The following ZDHHC20 variants were observed in gnomAD, a reference collection of about 807,000 sequenced individuals.
ZDHHC20 encodes the protein palmitoyltransferase ZDHHC20.
A neutral mutation model predicts 57.8 loss-of-function variants in ZDHHC20; 43 were observed. The observed-to-expected ratio is 0.74, with a 90% CI of 0.58 to 0.96. ZDHHC20 has a LOEUF of 0.96. Among genes scored for constraint, ZDHHC20 ranks in the 40% least tolerant of loss-of-function variants. The pLI is 0.00. For synonymous variants in ZDHHC20, 157 were observed against 153.0 expected (o/e 1.03, Z -0.19); for missense variants, 391 against 441.1 (o/e 0.89, Z 1.02).
At chr13:21,457,991 T>TA (rs1262299937) in intron 1 of ZDHHC20, among the ~76,000 whole-genome samples, 1 of 152,222 alleles carries the variant, frequency 6.6e-6, no homozygotes, top group Non-Finnish European at 1.5e-5. Context: ...TAGGTTTTCA[T>TA]AAAAAATTGA....
At chr13:21,402,582 A>ATT (rs1475060958) in intron 5 of ZDHHC20, among the ~76,000 whole-genome samples, 1 of 152,222 alleles carries the variant, frequency 6.6e-6, no homozygotes, top group Admixed American at 6.5e-5. Context: ...AGAAAATTCT[A>ATT]TTAACTGGTA....
chr13:21,392,198 G>A lies in ZDHHC20; in HGVS notation c.595-344C>T, dbSNP rs1347553550. On this transcript the variant is annotated intron_variant, in intron 7 of 12. Coordinates refer to ENST00000400590, the MANE Select transcript of ZDHHC20 (RefSeq NM_001330059.2). The stretch of plus-strand genomic sequence containing the variant: ...TCTAGGCCATCCTGGGCAACACAGT[G>A]AGACCCTGTCTCATAAAAAAAAAAA... Among the ~76,000 whole-genome samples, 5 of 145,156 alleles carry A rather than the reference G, an allele frequency of 3.4e-5. No homozygotes were observed. In the East Asian group the frequency reaches 8.1e-4, roughly 24 times the overall value.
In ZDHHC20 at chr13:21,402,777, T is replaced by C. The variant is rs1205121963; in HGVS notation, c.440+20A>G. 2.5e-6 allele frequency: 4 copies of C among 1,582,558 alleles called. No individual in the cohort carries two copies. The highest frequency in any genetic ancestry group is 3.4e-6 in the Non-Finnish European group (4 of 1,162,312). On this transcript the variant is annotated intron_variant, in intron 5 of 12. Transcript: ENST00000400590. Reference sequence around the variant, plus strand: ...GATTTCCAGTGCTAGATATTAAGCATATGTGTGAGTAACACTTACGAGTCA... The same window carrying C: ...GATTTCCAGTGCTAGATATTAAGCACATGTGTGAGTAACACTTACGAGTCA...
At chr13:21,381,742 C>T (rs1005799751) in intron 10 of ZDHHC20, among the ~76,000 whole-genome samples, 193 bp from the exon 11 acceptor site, 2 of 152,044 alleles carry the variant, frequency 1.3e-5, no homozygotes, top group Non-Finnish European at 1.5e-5. Context: ...CTCTCTAGAC[C>T]CAAGAATCTG....
intron 11 of ZDHHC20, among the ~76,000 whole-genome samples, chr13:21,379,285 T>G (rs1024621146): frequency 1.3e-5 from 2 of 152,046 alleles, no homozygotes; most frequent in African/African-American, 4.8e-5. Context: ...ATTTTTCTTT[T>G]TCCTTTTTTT....
In ZDHHC20 at chr13:21,381,476, G is replaced by A; in HGVS notation, c.1018C>T (p.Gln340Ter). 3 of 1,613,892 alleles carry A rather than the reference G, an allele frequency of 1.9e-6. No homozygotes were observed. Among genetic ancestry groups the A allele is most frequent in the Non-Finnish European group, 1.7e-6 (2 of 1,179,880 alleles). ...SKNRLLDSES[Q>*]WLENGAEEGI... ...TCTTCAGCTCCATTCTCCAGCCACTGAGATTCACTGTCCAACAAGCGGTTT... is the reference window on the plus strand; with the variant it reads ...TCTTCAGCTCCATTCTCCAGCCACTAAGATTCACTGTCCAACAAGCGGTTT... Residue 340 changes from glutamine to a stop codon, truncating the protein, a stop_gained, in exon 11 of 13, where the codon CAG becomes TAG. Coordinates refer to ENST00000400590, the MANE Select transcript of ZDHHC20 (RefSeq NM_001330059.2). LOFTEE classifies it high-confidence loss of function.
chr13:21,420,955 GA>G (rs1340383181), intron 3 of ZDHHC20, 105 bp downstream of exon 3: 1 of 849,804 alleles, frequency 1.2e-6, no homozygotes, highest in East Asian at 2.7e-5. Flanking sequence ...TTTATGAATG[GA>G]AACAGAACAC....
intron 1 of ZDHHC20, among the ~76,000 whole-genome samples, chr13:21,452,327 T>C (rs118152594): frequency 2.3e-3 from 354 of 152,320 alleles, no homozygotes; most frequent in East Asian, 0.014. Context: ...TTGTACATCT[T>C]AAATTAGTGA....
intron 3 of ZDHHC20, among the ~76,000 whole-genome samples, chr13:21,416,797 T>A (rs1880035536): frequency 6.6e-6 from 1 of 152,192 alleles, no homozygotes; most frequent in Non-Finnish European, 1.5e-5. Context: ...AATAGTACAG[T>A]ATATTCAGCT....
chr13:21,415,261 T>C (rs1448333079), intron 3 of ZDHHC20, among the ~76,000 whole-genome samples: 1 of 152,234 alleles, frequency 6.6e-6, no homozygotes, highest in African/African-American at 2.4e-5. Flanking sequence ...GTCTTCTGTG[T>C]TCTACTCTGG....
chr13:21,445,593 C>T (rs931154685), intron 1 of ZDHHC20, among the ~76,000 whole-genome samples: 20 of 152,160 alleles, frequency 1.3e-4, no homozygotes, highest in African/African-American at 4.6e-4. Flanking sequence ...ATCAATAATA[C>T]CGATTATCAA....
intron 1 of ZDHHC20, among the ~76,000 whole-genome samples, chr13:21,432,078 G>C (rs1359722151): frequency 6.6e-6 from 1 of 151,464 alleles, no homozygotes; most frequent in African/African-American, 2.4e-5. Context: ...TTTATATTTA[G>C]GTCTGTAATA....
chr13:21,389,108 T>C (rs1875160015), intron 8 of ZDHHC20, among the ~76,000 whole-genome samples: 1 of 152,216 alleles, frequency 6.6e-6, no homozygotes, highest in Non-Finnish European at 1.5e-5. Context: ...TCAAAGGGAC[T>C]AGCTTGCTTG....
Position 21,396,295 on chromosome 13 carries a change from AAAAGGTTTTT to A in ZDHHC20, c.594+4068_594+4077del, listed in dbSNP as rs1162431151. On this transcript the variant is annotated intron_variant, in intron 7 of 12. Transcript: ENST00000400590. ...AAAACCTACATTGTAAAACACCTTCAAAAGGTTTTTAGAAAGAGTAGATGTAAAAGTACTT... is the reference window on the plus strand; with the variant it reads ...AAAACCTACATTGTAAAACACCTTCAAGAAAGAGTAGATGTAAAAGTACTT... Among the ~76,000 whole-genome samples the A allele has an allele frequency of 7.2e-5, 11 of 152,346 alleles. No individual in the cohort carries two copies. In the East Asian group the frequency reaches 2.1e-3, roughly 29 times the overall value.
chr13:21,391,684 T>C (rs1435331645), intron 8 of ZDHHC20, 38 bp downstream of exon 8: 10 of 1,564,512 alleles, frequency 6.4e-6, no homozygotes, highest in African/African-American at 1.4e-5. Context: ...TTTATGGTCA[T>C]TGTCCTAAGT....
intron 7 of ZDHHC20, among the ~76,000 whole-genome samples, chr13:21,393,664 G>A (rs1201703114): frequency 7.2e-5 from 10 of 138,196 alleles, no homozygotes; most frequent in Non-Finnish European, 1.5e-5. Context: ...AGATCGCACT[G>A]CTGCACTCCA....
chr13:21,447,179 A>C (rs533707914), intron 1 of ZDHHC20, among the ~76,000 whole-genome samples: 1 of 151,450 alleles, frequency 6.6e-6, no homozygotes, highest in Admixed American at 6.6e-5. Context: ...GTTACTTTAA[A>C]CAACCAGAGA....
Position 21,459,139 on chromosome 13 carries a change from C to T in ZDHHC20, c.33G>A (p.Gln11=). The T allele has an allele frequency of 6.2e-7, 1 of 1,605,166 alleles. No homozygotes were observed. Residue 11 remains glutamine, a synonymous_variant, in exon 1 of 13, where the codon CAG becomes CAA. Coordinates refer to ENST00000400590, the MANE Select transcript of ZDHHC20 (RefSeq NM_001330059.2). ...GCACCGGCACCCAGCCCACGACGCG[C>T]TGGCAGCAGCGCCACAGCGTCCAGG... MAPWTLWRCC[Q]RVVGWVPVLF...
At chr13:21,447,495 GC>G (rs1373528115) in intron 1 of ZDHHC20, among the ~76,000 whole-genome samples, 1 of 146,182 alleles carries the variant, frequency 6.8e-6, no homozygotes, top group African/African-American at 2.5e-5. Flanking sequence ...TGTTGGCCGG[GC>G]CGGTCTCCAG....
Sources: gnomAD v4.1 joint callset for allele counts (sites outside exome capture counted in the v4.1 genomes callset) on GRCh38, gnomAD v4.1.1 for gene constraint, MANE v1.5 for transcripts, NCBI Gene and HGNC (gene_info 2026-07-23, HGNC 2026-07-21) for gene names.